The following NARS2 variants were observed in gnomAD, a reference collection of about 807,000 sequenced individuals.
NARS2 encodes the protein asparaginyl-tRNA synthetase.
A neutral mutation model predicts 62.9 loss-of-function variants in NARS2; 60 were observed. That is an observed-to-expected ratio of 0.95 (90% CI 0.77 to 1.18). NARS2 has a LOEUF of 1.18. NARS2 is among the 50% of genes most tolerant of loss of function. The pLI, the probability that NARS2 is intolerant of heterozygous loss-of-function variation, is 0.00. For missense variants in NARS2, 619 were observed against 576.4 expected (o/e 1.07, Z -0.76); for synonymous variants, 196 against 200.0 (o/e 0.98, Z 0.17).
intron 4 of NARS2, 71 bp from the exon 5 acceptor site, chr11:78,559,690 A>C: frequency 9.6e-7 from 1 of 1,046,220 alleles, no homozygotes; most frequent in South Asian, 1.3e-5. Context: ...ATCCTCTTAT[A>C]GTATTAAAAT....
chr11:78,477,051 ACTGT>A (rs1474065418), intron 9 of NARS2, among the ~76,000 whole-genome samples: 3 of 152,206 alleles, frequency 2.0e-5, no homozygotes, highest in Admixed American at 6.5e-5. Flanking sequence ...AAATTTTATC[ACTGT>A]CTGGGTAAAT....
At position 78,488,312 on chromosome 11, in the gene NARS2, G is replaced by A. The variant is rs117599091; in HGVS notation, c.822+4751C>T. Among the ~76,000 whole-genome samples, 611 of 152,130 alleles carry A rather than the reference G, an allele frequency of 4.0e-3. 1 individual carries two copies. The highest frequency in any genetic ancestry group is 0.01 in the Middle Eastern group (3 of 290). ...GAGATTATTCTAGATTATGTGGGTG[G>A]GACTAATGTAATCACAAGGATCCTT... On this transcript the variant is annotated intron_variant, in intron 7 of 13. Coordinates refer to ENST00000281038, the MANE Select transcript of NARS2 (RefSeq NM_024678.6).
chr11:78,442,552 G>A (rs1040748870), intron 12 of NARS2, among the ~76,000 whole-genome samples: 1 of 151,872 alleles, frequency 6.6e-6, no homozygotes, highest in African/African-American at 2.4e-5. Flanking sequence ...AACAATTATG[G>A]CTTTTCCAGA....
chr11:78,520,000 G>A (rs1262305032), intron 6 of NARS2, among the ~76,000 whole-genome samples: 1 of 151,858 alleles, frequency 6.6e-6, no homozygotes, highest in African/African-American at 2.4e-5. Flanking sequence ...GCTAGTTTTT[G>A]AGTTTCTTGG....
At position 78,574,067 on chromosome 11, in the gene NARS2, T is replaced by C. The variant is rs149081063; in HGVS notation, c.141+281A>G. Among the ~76,000 whole-genome samples, 150 of 152,260 alleles carry C rather than the reference T, an allele frequency of 9.9e-4. 1 individual carries two copies. In the East Asian group the frequency reaches 0.02, roughly 21 times the overall value. ...GGATATTCATTATAAGGGATAAAGA[T>C]AGAGAAAGGGGGCTTGTTCATTTAC... On this transcript the variant is annotated intron_variant, in intron 1 of 13. Coordinates refer to ENST00000281038, the MANE Select transcript of NARS2 (RefSeq NM_024678.6).
At chr11:78,463,713 C>CAAAAAAAAAAAAAA (rs10649252) in intron 11 of NARS2, among the ~76,000 whole-genome samples, 2 of 47,984 alleles carry the variant, frequency 4.2e-5, no homozygotes, top group Non-Finnish European at 7.3e-5. Context: ...TAGTTAAGGT[C>CAAAAAAAAAAAAAA]AAAAAAAAAA....
At chr11:78,520,252 A>C (rs1004965838) in intron 6 of NARS2, among the ~76,000 whole-genome samples, 1 of 152,148 alleles carries the variant, frequency 6.6e-6, no homozygotes, top group African/African-American at 2.4e-5. Flanking sequence ...TCTAGGGAAG[A>C]ATCCTTCCTT....
At chr11:78,474,896 G>A (rs7105166) in intron 9 of NARS2, among the ~76,000 whole-genome samples, 5,257 of 151,786 alleles carry the variant, frequency 0.035, 276 homozygotes, top group African/African-American at 0.12. Flanking sequence ...CATATCTATC[G>A]TCTCACATGC....
intron 6 of NARS2, among the ~76,000 whole-genome samples, chr11:78,501,914 C>CA (rs1317231381): frequency 2.0e-5 from 3 of 151,750 alleles, no homozygotes; most frequent in Non-Finnish European, 4.4e-5. Context: ...ATTATATAGC[C>CA]AAAAAACAGA....
chr11:78,492,665 T>C (rs1374684340), intron 7 of NARS2, among the ~76,000 whole-genome samples: 1 of 152,236 alleles, frequency 6.6e-6, no homozygotes, highest in African/African-American at 2.4e-5. Context: ...ATGTTTGGTA[T>C]ATTTTCCTAG....
rs983314466 is a variant in NARS2 at position 78,510,099 on chromosome 11, C to G, written c.690-16904G>C. Among the ~76,000 whole-genome samples the G allele has an allele frequency of 2.6e-5, 4 of 152,070 alleles. No individual in the cohort carries two copies. In the East Asian group the frequency reaches 7.7e-4, roughly 29 times the overall value. ...AAAAAGCTATAAAGTATATAGAAAA[C>G]AAATAGCAAAATGAGAGAAGTTCCT... On this transcript the variant is annotated intron_variant, in intron 6 of 13. Coordinates refer to ENST00000281038, the MANE Select transcript of NARS2 (RefSeq NM_024678.6).
intron 11 of NARS2, among the ~76,000 whole-genome samples, chr11:78,447,072 T>C (rs1393827634): frequency 6.7e-6 from 1 of 149,302 alleles, no homozygotes; most frequent in African/African-American, 2.5e-5. Context: ...AACATACAAA[T>C]GACTAACAGG....
intron 11 of NARS2, among the ~76,000 whole-genome samples, chr11:78,444,650 T>C (rs1383435361): frequency 1.4e-5 from 2 of 143,240 alleles, no homozygotes; most frequent in Non-Finnish European, 3.0e-5. Flanking sequence ...ACCCAGGAGG[T>C]GGAGGTCACA....
Position 78,528,942 on chromosome 11 carries a change from A to C in NARS2, c.595-6T>G, listed in dbSNP as rs774848576. Reference sequence around the variant, plus strand: ...ACCTTAAGTTTGCCTGAAGGCTGCAAATCAAAAACATAAGCCACAAAAAAC... The same window carrying C: ...ACCTTAAGTTTGCCTGAAGGCTGCACATCAAAAACATAAGCCACAAAAAAC... On this transcript the variant is annotated splice_polypyrimidine_tract_variant and splice_region_variant and intron_variant, in intron 5 of 13. Transcript: ENST00000281038. 21 of 1,583,918 alleles carry C rather than the reference A, an allele frequency of 1.3e-5. No individual in the cohort carries two copies. The highest frequency in any genetic ancestry group is 1.2e-4 in the Admixed American group (7 of 59,632).
intron 5 of NARS2, among the ~76,000 whole-genome samples, chr11:78,557,769 G>A (rs1856408867): frequency 6.7e-6 from 1 of 148,476 alleles, no homozygotes; most frequent in African/African-American, 2.5e-5. Context: ...GTTATTTAGA[G>A]GTCAAGATAT....
At chr11:78,546,048 G>A (rs1855862300) in intron 5 of NARS2, among the ~76,000 whole-genome samples, 1 of 152,136 alleles carries the variant, frequency 6.6e-6, no homozygotes, top group Non-Finnish European at 1.5e-5. Context: ...CAAGTCTATG[G>A]GTTGCCTGGC....
intron 4 of NARS2, among the ~76,000 whole-genome samples, chr11:78,560,830 T>G (rs1449930841): frequency 6.6e-6 from 1 of 152,232 alleles, no homozygotes; most frequent in Admixed American, 6.5e-5. Flanking sequence ...CAATAAAATC[T>G]GATCAATAAC....
At chr11:78,574,171 G>A (rs541604293) in intron 1 of NARS2, among the ~76,000 whole-genome samples, 177 bp downstream of exon 1, 1 of 152,318 alleles carries the variant, frequency 6.6e-6, no homozygotes, top group Non-Finnish European at 1.5e-5. Flanking sequence ...ACAGTTATCG[G>A]AACAGTTTTG....
intron 12 of NARS2, among the ~76,000 whole-genome samples, chr11:78,443,282 G>A (rs897104403): frequency 1.6e-4 from 24 of 147,272 alleles, no homozygotes; most frequent in Admixed American, 4.8e-4. Context: ...AGCCAAGATC[G>A]CGCCACTGCA....
Sources: allele counts gnomAD v4.1 joint callset (sites outside exome capture counted in the v4.1 genomes callset), GRCh38; gene constraint gnomAD v4.1.1; transcripts MANE v1.5; gene names NCBI Gene and HGNC (gene_info 2026-07-23, HGNC 2026-07-21).